Variants in TRPA1 observed in about 807,000 individuals in gnomAD.
TRPA1 encodes transient receptor potential cation channel subfamily A member 1, also known as ankyrin-like with transmembrane domains 1.
In TRPA1, 129 loss-of-function variants were observed where a neutral mutation model predicts 131.3. The ratio of observed to expected loss-of-function variants is 0.98; its 90% confidence interval spans 0.85 to 1.14. The LOEUF is 1.14. TRPA1 is among the 50% of genes most tolerant of loss of function. The pLI is 0.00. For synonymous variants in TRPA1, 441 were observed against 451.7 expected (o/e 0.98, Z 0.30); for missense variants, 1,304 against 1,354.2 (o/e 0.96, Z 0.58).
chr8:72,028,775 T>C (rs1404704774), intron 24 of TRPA1, among the ~76,000 whole-genome samples: 1 of 152,246 alleles, frequency 6.6e-6, no homozygotes, highest in Non-Finnish European at 1.5e-5. Flanking sequence ...TGTACTGGAC[T>C]TTGTACATAC....
chr8:72,055,747 A>T lies in TRPA1; in HGVS notation c.1303T>A (p.Phe435Ile), dbSNP rs1404770286. 4 of 1,613,206 alleles carry T rather than the reference A, an allele frequency of 2.5e-6. No individual in the cohort carries two copies. In the African/African-American group the frequency reaches 5.3e-5, roughly 22 times the overall value. Residue 435 changes from phenylalanine to isoleucine, a missense_variant, in exon 11 of 27, where the codon TTT becomes ATT. Coordinates refer to ENST00000262209, the MANE Select transcript of TRPA1 (RefSeq NM_007332.3). ...CTTTTGGAATGAATGGACACATTAA[A>T]GCCAAGTAGGTTATTTACAGAACCA... ...GPGSVNNLLG[F>I]NVSIHSKSKD...
rs753396468 is a variant in TRPA1, at chr8:72,022,954, A to G, written c.3312T>C (p.Asn1104=). The stretch of plus-strand genomic sequence containing the variant: ...TTGCCTTGACTGCTCTCAACACAGT[A>G]TTCCATCTGCTATTCCTTTGTTCCA... ...EQMEQRNSRW[N]TVLRAVKAKT... The change falls in exon 27 of 27, where the codon AAT becomes AAC. Residue 1104 remains asparagine, a synonymous_variant. Coordinates refer to ENST00000262209, the MANE Select transcript of TRPA1 (RefSeq NM_007332.3). 1 of 1,613,882 alleles carries G rather than the reference A, an allele frequency of 6.2e-7. No homozygotes were observed. The highest frequency in any genetic ancestry group is 2.2e-5 in the East Asian group (1 of 44,864).
At chr8:72,068,006 G>A (rs545990197) in intron 3 of TRPA1, among the ~76,000 whole-genome samples, 2 of 152,322 alleles carry the variant, frequency 1.3e-5, no homozygotes, top group South Asian at 4.1e-4. Context: ...TTAGCCAGTA[G>A]GGAAGAAAAG....
intron 24 of TRPA1, 51 bp from the exon 25 acceptor site, chr8:72,026,124 T>A (rs2305019): frequency 1.4e-6 from 2 of 1,391,178 alleles, no homozygotes; most frequent in South Asian, 1.2e-5. Context: ...GTATATGGAA[T>A]TTTTATATGG....
At chr8:72,052,995 G>GTGATAGAT (rs71265966) in intron 13 of TRPA1, 1 of 351,398 alleles carries the variant, frequency 2.8e-6, no homozygotes, top group Non-Finnish European at 5.2e-6. Flanking sequence ...GTGTGTGTGT[G>GTGATAGAT]AGAGATAGAG....
At chr8:72,028,420 C>T (rs1228080498) in intron 24 of TRPA1, among the ~76,000 whole-genome samples, 16 of 152,210 alleles carry the variant, frequency 1.1e-4, no homozygotes, top group Non-Finnish European at 2.1e-4. Context: ...TCTGATGTGG[C>T]CCTTTGCTCT....
intron 19 of TRPA1, among the ~76,000 whole-genome samples, chr8:72,038,384 C>T (rs966263432): frequency 2.4e-4 from 37 of 151,882 alleles, no homozygotes; most frequent in African/African-American, 8.5e-4. Flanking sequence ...CAAAACTTAC[C>T]ATTTTAAAAG....
rs186508220 is a variant in TRPA1, at chr8:72,030,991, C to T, written c.2869-1022G>A. 8.5e-5 allele frequency among the ~76,000 whole-genome samples: 13 copies of T among 152,324 alleles called. No individual in the cohort carries two copies. In the East Asian group the frequency reaches 2.5e-3, roughly 29 times the overall value. On this transcript the variant is annotated intron_variant, in intron 23 of 26. Transcript: ENST00000262209. ...TGCATGCTGCACCAGAAAGAAAAGT[C>T]AGTGACTGCTCTTGGGGAGCTCAAA...
At chr8:72,066,745 A>G (rs183268711) in intron 3 of TRPA1, among the ~76,000 whole-genome samples, 1 of 152,324 alleles carries the variant, frequency 6.6e-6, no homozygotes, top group East Asian at 1.9e-4. Context: ...AGTCTACAAG[A>G]AGAGGCTTTT....
Position 72,071,698 on chromosome 8 carries a change from A to G in TRPA1, c.268+13T>C. 6 of 1,613,090 alleles carry G rather than the reference A, an allele frequency of 3.7e-6. No homozygotes were observed. The highest frequency in any genetic ancestry group is 5.1e-6 in the Non-Finnish European group (6 of 1,179,342). ...GAATGATTTCTGGAAGATGAATTGT[A>G]ATATTTTGTTACCTTCCAAAGAGGA... is the stretch of plus-strand genomic sequence containing the variant. On this transcript the variant is annotated intron_variant, in intron 2 of 26. Transcript: ENST00000262209.
chr8:72,070,911 G>A (rs1408120055), intron 2 of TRPA1, among the ~76,000 whole-genome samples: 1 of 152,016 alleles, frequency 6.6e-6, no homozygotes, highest in Non-Finnish European at 1.5e-5. Context: ...TCATACCTTC[G>A]CACTCACTTC....
chr8:72,025,623 T>G (rs907034045), intron 25 of TRPA1, among the ~76,000 whole-genome samples: 2 of 152,174 alleles, frequency 1.3e-5, no homozygotes, highest in African/African-American at 4.8e-5. Flanking sequence ...GTAAGTGACA[T>G]GTGACTAGGA....
At chr8:72,078,682 A>G (rs1806233160), upstream of TRPA1, among the ~76,000 whole-genome samples, 1 of 152,012 alleles carries the variant, frequency 6.6e-6, no homozygotes, top group Non-Finnish European at 1.5e-5. Context: ...AATTATTTCC[A>G]GTTTGGGTCT....
intron 20 of TRPA1, among the ~76,000 whole-genome samples, chr8:72,037,081 A>G (rs1812076652): frequency 6.6e-6 from 1 of 152,184 alleles, no homozygotes; most frequent in Non-Finnish European, 1.5e-5. Context: ...TAATGGCAAG[A>G]AAGATTAAGT....
At chr8:72,051,323 C>T (rs1227256912) in intron 14 of TRPA1, among the ~76,000 whole-genome samples, 1 of 152,068 alleles carries the variant, frequency 6.6e-6, no homozygotes, top group East Asian at 1.9e-4. Context: ...TACAAATTAA[C>T]ACATGTAAAG....
At chr8:72,062,008 C>T (rs1308539783) in intron 6 of TRPA1, among the ~76,000 whole-genome samples, 1 of 152,226 alleles carries the variant, frequency 6.6e-6, no homozygotes, top group Non-Finnish European at 1.5e-5. Flanking sequence ...TTGGCATACA[C>T]TTCCACCATT....
At chr8:72,088,190 A>G in the TRPA1 span, among the ~76,000 whole-genome samples, 1 of 151,104 alleles carries the variant, frequency 6.6e-6, no homozygotes, top group African/African-American at 2.4e-5. Flanking sequence ...CTCCTCCTTC[A>G]CTCTTCCCAT....
chr8:72,021,855 G>A lies in TRPA1; in HGVS notation c.*1051C>T, dbSNP rs923699058. 2 of 152,122 alleles carry A rather than the reference G, an allele frequency of 1.3e-5. No homozygotes were observed. The highest frequency in any genetic ancestry group is 6.6e-5 in the Admixed American group (1 of 15,256). 9.4% of individuals were successfully genotyped at this position (152,122 alleles called of 1,614,324 possible). On this transcript the variant is annotated 3_prime_UTR_variant, in exon 27 of 27. Coordinates refer to ENST00000262209, the MANE Select transcript of TRPA1 (RefSeq NM_007332.3). The stretch of plus-strand genomic sequence containing the variant: ...AATAGGAAATAAGTGAGAATTATAA[G>A]AGAAATAAGAAGCAAAAACAGAAAT...
upstream of TRPA1, among the ~76,000 whole-genome samples, chr8:72,080,330 TCA>T (rs1377700658): frequency 2.0e-5 from 3 of 150,580 alleles, no homozygotes; most frequent in African/African-American, 7.5e-5. Context: ...TTTGTTTTTA[TCA>T]AGAGTGGGTG....
Sources: allele counts gnomAD v4.1 joint callset (sites outside exome capture counted in the v4.1 genomes callset), GRCh38; gene constraint gnomAD v4.1.1; transcripts MANE v1.5; gene names NCBI Gene and HGNC (gene_info 2026-07-23, HGNC 2026-07-21).